The following CTNS variants were observed in gnomAD, a reference collection of about 807,000 sequenced individuals.
CTNS encodes the protein cystinosin, lysosomal cystine transporter.
A neutral mutation model predicts 43.7 loss-of-function variants in CTNS; 27 were observed. The observed-to-expected ratio is 0.62, with a 90% CI of 0.46 to 0.85. The LOEUF (loss-of-function observed/expected upper bound fraction) is 0.85, where lower values mean the gene tolerates loss of function less well. Among genes scored for constraint, CTNS ranks in the 40% least tolerant of loss-of-function variants. CTNS has a pLI of 0.00. For missense variants in CTNS, 457 were observed against 475.4 expected (o/e 0.96, Z 0.36); for synonymous variants, 187 against 190.6 (o/e 0.98, Z 0.16).
intron 5 of CTNS, among the ~76,000 whole-genome samples, chr17:3,654,323 T>C (rs557226111): frequency 5.2e-4 from 79 of 152,268 alleles, no homozygotes; most frequent in Admixed American, 1.0e-3. Context: ...CCATCCCTCC[T>C]TCCCTCAGAG....
Position 3,655,060 on chromosome 17 carries a change from A to G in CTNS, c.288A>G (p.Gln96=). The change falls in exon 6 of 12, where the codon CAA becomes CAG. Residue 96 remains glutamine, a synonymous_variant. Coordinates refer to ENST00000046640, the MANE Select transcript of CTNS (RefSeq NM_004937.3). ...AAGTGACATCTCAAAATGTTGGACA[A>G]CTTACTGTTTATCTACATGGAAATC... ...SFQVTSQNVG[Q]LTVYLHGNHS... The G allele has an allele frequency of 6.2e-7, 1 of 1,614,114 alleles. No individual in the cohort carries two copies. Among genetic ancestry groups the G allele is most frequent in the Non-Finnish European group, 8.5e-7 (1 of 1,179,962 alleles).
At chr17:3,642,853 G>C (rs2075753622) in intron 3 of CTNS, among the ~76,000 whole-genome samples, 1 of 152,148 alleles carries the variant, frequency 6.6e-6, no homozygotes, top group African/African-American at 2.4e-5. Flanking sequence ...GTCTGTCTCT[G>C]ACTTCTCTGG....
In CTNS at chr17:3,654,321, C is replaced by T. The variant is rs373498665; in HGVS notation, c.226-677C>T. Among the ~76,000 whole-genome samples, 63 of 152,304 alleles carry T rather than the reference C, an allele frequency of 4.1e-4. No individual in the cohort carries two copies. The South Asian group carries it at 0.013, about 31-fold the overall frequency. ...CAGTAAGAGGACGAGAGCCATCCCT[C>T]CTTCCCTCAGAGATAAGCCAGGGGA... On this transcript the variant is annotated intron_variant, in intron 5 of 11. Transcript: ENST00000046640.
At chr17:3,655,415 A>AGGCTGCCGATAGCGC in intron 7 of CTNS, 63 bp downstream of exon 7, 1 of 1,606,970 alleles carries the variant, frequency 6.2e-7, no homozygotes, top group East Asian at 2.2e-5. Flanking sequence ...CGTTCCAGCA[A>AGGCTGCCGATAGCGC]GGCTGCCGAT....
chr17:3,652,912 C>G (rs1251831145), intron 5 of CTNS, among the ~76,000 whole-genome samples: 1 of 152,206 alleles, frequency 6.6e-6, no homozygotes, highest in Non-Finnish European at 1.5e-5. Flanking sequence ...GTTGTCCTGC[C>G]AAAGCCCCTG....
intron 10 of CTNS, among the ~76,000 whole-genome samples, chr17:3,659,356 T>C (rs1192272466): frequency 6.6e-6 from 1 of 152,188 alleles, no homozygotes; most frequent in Non-Finnish European, 1.5e-5. Context: ...AACCCCGCTC[T>C]ACAGACGGGG....
chr17:3,658,985 G>T (rs1464747799), intron 10 of CTNS, among the ~76,000 whole-genome samples: 1 of 152,176 alleles, frequency 6.6e-6, no homozygotes, highest in South Asian at 2.1e-4. Context: ...GGGCTTCCGA[G>T]GAGGGGAAGG....
intron 3 of CTNS, among the ~76,000 whole-genome samples, chr17:3,644,966 C>A (rs2075811435): frequency 6.6e-6 from 1 of 150,914 alleles, no homozygotes; most frequent in Non-Finnish European, 1.5e-5. Flanking sequence ...CTCACCTTGA[C>A]CTCCACTACC....
rs146477107 is a variant in CTNS at position 3,638,825 on chromosome 17, A to G, written c.-19-1363A>G. Among the ~76,000 whole-genome samples the G allele has an allele frequency of 2.3e-3, 343 of 152,318 alleles. 1 individual carries two copies. Among genetic ancestry groups the G allele is most frequent in the African/African-American group, 6.9e-3 (287 of 41,564 alleles). Reference sequence around the variant, plus strand: ...AGGCCTGTGGTCATTCCATACACGCAGGAGGGCAATTCCTCCAAGGTCAGG... The same window carrying G: ...AGGCCTGTGGTCATTCCATACACGCGGGAGGGCAATTCCTCCAAGGTCAGG... On this transcript the variant is annotated intron_variant, in intron 2 of 11. Coordinates refer to ENST00000046640, the MANE Select transcript of CTNS (RefSeq NM_004937.3).
chr17:3,650,787 T>C (rs1013786914), intron 5 of CTNS, among the ~76,000 whole-genome samples: 1 of 152,176 alleles, frequency 6.6e-6, no homozygotes, highest in Non-Finnish European at 1.5e-5. Context: ...TATTTTTATG[T>C]ATTCATTTAT....
At position 3,656,590 on chromosome 17, in the gene CTNS, C is replaced by T. The variant is rs111256750; in HGVS notation, c.561+4C>T. On this transcript the variant is annotated splice_donor_region_variant and intron_variant, in intron 8 of 11. Transcript: ENST00000046640. Reference sequence around the variant, plus strand: ...CCTCTGGGTGCCCTACATCAAGGTACGGCCTTGCCTGCCCTACATCTCTGC... The same window carrying T: ...CCTCTGGGTGCCCTACATCAAGGTATGGCCTTGCCTGCCCTACATCTCTGC... 3.5e-4 allele frequency: 565 copies of T among 1,611,828 alleles called. 2 individuals carry two copies. The highest frequency in any genetic ancestry group is 3.2e-4 in the Non-Finnish European group (377 of 1,179,438).
At chr17:3,651,172 G>A (rs2075972802) in intron 5 of CTNS, among the ~76,000 whole-genome samples, 1 of 151,810 alleles carries the variant, frequency 6.6e-6, no homozygotes, top group Admixed American at 6.6e-5. Context: ...TCAGCTCACC[G>A]CAACCTCCAC....
chr17:3,660,034 C>T (rs2076250370), intron 11 of CTNS, 59 bp downstream of exon 11: 1 of 1,511,156 alleles, frequency 6.6e-7, no homozygotes, highest in Admixed American at 1.7e-5. Context: ...CGGGGCCAGC[C>T]TTCCCGGGAC....
chr17:3,658,817 C>G (rs1010633405), intron 10 of CTNS, among the ~76,000 whole-genome samples: 3 of 152,176 alleles, frequency 2.0e-5, no homozygotes, highest in African/African-American at 4.8e-5. Context: ...CTGAGCAGGA[C>G]TAAGTTCTGT....
intron 3 of CTNS, among the ~76,000 whole-genome samples, chr17:3,642,091 G>T (rs935202658): frequency 7.3e-6 from 1 of 137,486 alleles, no homozygotes; most frequent in Non-Finnish European, 1.6e-5. Flanking sequence ...GTGCCTGGGC[G>T]TGTGTGTGTG....
intron 3 of CTNS, among the ~76,000 whole-genome samples, chr17:3,642,041 C>CTGTGTGTGTGTGTATG (rs2075724116): frequency 7.0e-6 from 1 of 143,788 alleles, no homozygotes; most frequent in South Asian, 2.2e-4. Context: ...TTGCCTGGGC[C>CTGTGTGTGTGTGTATG]TGTGTGTGTG....
chr17:3,661,790 G>A lies in CTNS; in HGVS notation c.*1421G>A, dbSNP rs915617600. The stretch of plus-strand genomic sequence containing the variant: ...ACGCCACTCAATCTGGATGTGAGCC[G>A]GGGTGGATGAGGTTCTGAAGGGCAC... On this transcript the variant is annotated 3_prime_UTR_variant, in exon 12 of 12. Transcript: ENST00000046640. Among the ~76,000 whole-genome samples the A allele has an allele frequency of 3.3e-5, 5 of 152,206 alleles. No individual in the cohort carries two copies. Among genetic ancestry groups the A allele is most frequent in the African/African-American group, 4.8e-5 (2 of 41,450 alleles).
rs2142983047 is a variant in CTNS, at chr17:3,660,342, G to A, written c.1077G>A (p.Lys359=). The change falls in exon 12 of 12, where the codon AAG becomes AAA. Residue 359 remains lysine, a synonymous_variant. Transcript: ENST00000046640. ...FFIQHFCLYR[K]RPGYDQLN ...TCCAGCACTTCTGTTTGTACAGAAA[G>A]AGACCGGGGTATGACCAGCTGAACT... is the stretch of plus-strand genomic sequence containing the variant. 1 of 1,614,238 alleles carries A rather than the reference G, an allele frequency of 6.2e-7. No homozygotes were observed. The highest frequency in any genetic ancestry group is 1.1e-5 in the South Asian group (1 of 91,086).
intron 10 of CTNS, among the ~76,000 whole-genome samples, chr17:3,658,535 G>T (rs1048909617): frequency 2.0e-5 from 3 of 152,230 alleles, no homozygotes; most frequent in African/African-American, 7.2e-5. Context: ...GGTGGGAGGA[G>T]GGAGCCCCTT....
Sources: allele counts gnomAD v4.1 joint callset (sites outside exome capture counted in the v4.1 genomes callset), GRCh38; gene constraint gnomAD v4.1.1; transcripts MANE v1.5; gene names NCBI Gene and HGNC (gene_info 2026-07-23, HGNC 2026-07-21).